Variants in RICTOR observed in about 807,000 individuals in gnomAD.
The protein encoded by RICTOR is rapamycin-insensitive companion of mTOR.
A neutral mutation model predicts 214.9 loss-of-function variants in RICTOR; 49 were observed. The observed-to-expected ratio is 0.23, with a 90% CI of 0.18 to 0.29. The LOEUF (loss-of-function observed/expected upper bound fraction) is 0.29. Among genes scored for constraint, RICTOR ranks in the 10% least tolerant of loss-of-function variants. RICTOR has a pLI of 1.00. For missense variants in RICTOR, 1,625 were observed against 2,047.0 expected (o/e 0.79, Z 3.98); for synonymous variants, 717 against 711.3 (o/e 1.01, Z -0.13).
At chr5:39,003,410 A>G (rs913301560) in intron 4 of RICTOR, 148 bp downstream of exon 4, 10 of 509,232 alleles carry the variant, frequency 2.0e-5, no homozygotes, top group African/African-American at 4.0e-5. Context: ...AAACTACTGT[A>G]GCTCTTAGAT....
chr5:39,016,027 T>A (rs1308176643), intron 3 of RICTOR, among the ~76,000 whole-genome samples: 3 of 152,138 alleles, frequency 2.0e-5, no homozygotes, highest in Admixed American at 6.6e-5. Context: ...CCAAAGTTCA[T>A]GGACTTTATT....
intron 5 of RICTOR, among the ~76,000 whole-genome samples, chr5:38,998,372 G>A (rs1256892426): frequency 6.6e-6 from 1 of 152,128 alleles, no homozygotes; most frequent in African/African-American, 2.4e-5. Flanking sequence ...TCTTAATAGA[G>A]ACAGAGGTTT....
intron 2 of RICTOR, among the ~76,000 whole-genome samples, chr5:39,034,411 C>G (rs1345770310): frequency 6.6e-6 from 1 of 152,238 alleles, no homozygotes; most frequent in Admixed American, 6.5e-5. Context: ...TGGGTGATTT[C>G]TGCATTTCCA....
intron 3 of RICTOR, among the ~76,000 whole-genome samples, chr5:39,016,884 G>GA (rs1271609876): frequency 6.6e-6 from 1 of 151,992 alleles, no homozygotes; most frequent in Non-Finnish European, 1.5e-5. Context: ...ACTTTAGTAT[G>GA]AAAAAATAGT....
At chr5:38,994,320 T>C (rs1753004538) in intron 6 of RICTOR, among the ~76,000 whole-genome samples, 2 of 149,762 alleles carry the variant, frequency 1.3e-5, no homozygotes, top group African/African-American at 4.9e-5. Flanking sequence ...TACACAAATA[T>C]TCCAAAACCC....
In RICTOR at chr5:38,960,505, T is replaced by C; in HGVS notation, c.1744A>G (p.Lys582Glu). 1 of 1,613,750 alleles carries C rather than the reference T, an allele frequency of 6.2e-7. No homozygotes were observed. The highest frequency in any genetic ancestry group is 8.5e-7 in the Non-Finnish European group (1 of 1,179,708). ...RFVRRLLYFY[K>E]PSSKLYANLD... is the part of the protein sequence containing the mutation. ...TTGGCATATAATTTACTGCTGGGCT[T>C]GTAAAAATAAAGTAGTCTTCGTACA... Residue 582 changes from lysine (K) to glutamate (E), a missense_variant, in exon 20 of 38, where the codon AAG (lysine) becomes GAG (glutamate). Physicochemically the swap from Lys to Glu is moderately conservative, Grantham distance 56. Transcript: ENST00000357387.
Position 39,068,937 on chromosome 5 carries a change from C to T in RICTOR, c.97+5174G>A, listed in dbSNP as rs144171941. On this transcript the variant is annotated intron_variant, in intron 2 of 37. Transcript: ENST00000357387. ...ACCAGTCACTCACTAAGCCCTGTGA[C>T]ACTGGTTAAGTTACCTGTTTGAGTT... is the stretch of plus-strand genomic sequence containing the variant. Among the ~76,000 whole-genome samples, 511 of 152,326 alleles carry T rather than the reference C, an allele frequency of 3.4e-3. 5 individuals carry two copies. Among genetic ancestry groups the T allele is most frequent in the Non-Finnish European group, 5.0e-3 (338 of 68,024 alleles).
rs1211700553 is a variant in RICTOR, at chr5:38,976,755, A to G, written c.822-1151T>C. Reference sequence around the variant, plus strand: ...TGATATCTACCTGCTTATACTCCAGAAACTTAGAAGAAAGTACAGAACCAA... The same window carrying G: ...TGATATCTACCTGCTTATACTCCAGGAACTTAGAAGAAAGTACAGAACCAA... On this transcript the variant is annotated intron_variant, in intron 9 of 37. Transcript: ENST00000357387. 2.6e-5 allele frequency among the ~76,000 whole-genome samples: 4 copies of G among 152,206 alleles called. No homozygotes were observed. In the South Asian group the frequency reaches 8.3e-4, roughly 31 times the overall value.
Position 38,977,592 on chromosome 5 carries a change from CTT to C in RICTOR, c.821+989_821+990del, listed in dbSNP as rs34467191. Among the ~76,000 whole-genome samples, 375 of 83,246 alleles carry C rather than the reference CTT, an allele frequency of 4.5e-3. 1 individual carries two copies. The highest frequency in any genetic ancestry group is 0.01 in the South Asian group (22 of 2,140). 54.6% of individuals were successfully genotyped at this position (83,246 alleles called of 152,430 possible). A position where few individuals can be genotyped will look rare whatever the true frequency, so the allele number is the denominator to read the frequency against. On this transcript the variant is annotated intron_variant, in intron 9 of 37. Transcript: ENST00000357387. ...GGATGTGACTGAAGGTATGAAACCACTTTTTTTTTTTTTTTTTTTTTTTGAGA... is the reference window on the plus strand; with the variant it reads ...GGATGTGACTGAAGGTATGAAACCACTTTTTTTTTTTTTTTTTTTTTGAGA...
intron 2 of RICTOR, among the ~76,000 whole-genome samples, chr5:39,068,420 C>T (rs991810130): frequency 4.6e-5 from 7 of 152,034 alleles, no homozygotes; most frequent in African/African-American, 1.7e-4. Flanking sequence ...TGCAGAGAGG[C>T]AGATATATTG....
At chr5:38,990,615 A>C (rs1302495012) in intron 7 of RICTOR, among the ~76,000 whole-genome samples, 1,159 of 115,474 alleles carry the variant, frequency 0.01, 147 homozygotes, top group African/African-American at 0.037. Flanking sequence ...TGATATATAT[A>C]CGATATATGA....
At chr5:39,019,015 A>G (rs1219096479) in intron 3 of RICTOR, among the ~76,000 whole-genome samples, 1 of 152,208 alleles carries the variant, frequency 6.6e-6, no homozygotes, top group Non-Finnish European at 1.5e-5. Context: ...TGGTCCAGAT[A>G]GAAGATTAAA....
chr5:38,961,372 T>C (rs1579923351), intron 19 of RICTOR, among the ~76,000 whole-genome samples: 1 of 152,308 alleles, frequency 6.6e-6, no homozygotes, highest in Middle Eastern at 3.4e-3. Context: ...AATTGTAAGA[T>C]ACTACACTAT....
At chr5:38,996,330 G>T (rs1048878292) in intron 6 of RICTOR, among the ~76,000 whole-genome samples, 19 of 152,204 alleles carry the variant, frequency 1.2e-4, no homozygotes, top group African/African-American at 3.9e-4. Context: ...ACCCTCTCTT[G>T]TGGAGTGTAG....
chr5:38,952,513 T>C (rs1272269533), intron 29 of RICTOR, 88 bp from the exon 30 acceptor site: 3 of 869,696 alleles, frequency 3.4e-6, no homozygotes, highest in Non-Finnish European at 5.2e-6. Flanking sequence ...ATACATACTT[T>C]GAACTTTCTC....
intron 2 of RICTOR, among the ~76,000 whole-genome samples, chr5:39,053,477 T>G (rs1757981543): frequency 6.6e-6 from 1 of 152,206 alleles, no homozygotes; most frequent in African/African-American, 2.4e-5. Flanking sequence ...TGATTTTACT[T>G]TACCAAAGGC....
At chr5:39,034,961 AG>A (rs1462209511) in intron 2 of RICTOR, among the ~76,000 whole-genome samples, 7 of 152,344 alleles carry the variant, frequency 4.6e-5, no homozygotes, top group African/African-American at 1.7e-4. Context: ...AGCTTTGAAG[AG>A]AGCAGTGGTT....
chr5:39,055,292 T>C (rs557136747), intron 2 of RICTOR, among the ~76,000 whole-genome samples: 4 of 152,290 alleles, frequency 2.6e-5, no homozygotes, highest in African/African-American at 9.6e-5. Context: ...GGTTCTTTCC[T>C]GTCTCGTTGA....
At chr5:39,053,735 A>G (rs1758000533) in intron 2 of RICTOR, among the ~76,000 whole-genome samples, 1 of 151,014 alleles carries the variant, frequency 6.6e-6, no homozygotes, top group Non-Finnish European at 1.5e-5. Context: ...TACTAAAAAT[A>G]CAAAAAATTA....
Sources: allele counts gnomAD v4.1 joint callset (sites outside exome capture counted in the v4.1 genomes callset), GRCh38; gene constraint gnomAD v4.1.1; transcripts MANE v1.5; gene names NCBI Gene and HGNC (gene_info 2026-07-23, HGNC 2026-07-21).